Variants in KIF20B observed in about 807,000 individuals in gnomAD.
KIF20B encodes kinesin-like protein KIF20B.
In KIF20B, 188 loss-of-function variants were observed where a neutral mutation model predicts 232.5. The observed-to-expected ratio is 0.81, with a 90% CI of 0.72 to 0.91. The LOEUF is 0.91. KIF20B is among the 40% of genes least tolerant of loss of function. The pLI, the probability that KIF20B is intolerant of heterozygous loss-of-function variation, is 0.00. For synonymous variants in KIF20B, 712 were observed against 683.0 expected, an observed-to-expected ratio of 1.04 and a Z score of -0.66; for missense variants, 2,154 against 2,055.9, an observed-to-expected ratio of 1.05 and a Z score of -0.92.
At chr10:89,704,620 G>T (rs1842685642) in intron 1 of KIF20B, among the ~76,000 whole-genome samples, 1 of 151,482 alleles carries the variant, frequency 6.6e-6, no homozygotes, top group African/African-American at 2.4e-5. Context: ...GCAGTGGCGC[G>T]ATCGCGATTC....
intron 11 of KIF20B, 75 bp from the exon 12 acceptor site, chr10:89,718,635 T>C: frequency 8.6e-7 from 1 of 1,156,746 alleles, no homozygotes; most frequent in African/African-American, 1.6e-5. Flanking sequence ...ATTATTTCTT[T>C]GTAAAATGTC....
At chr10:89,763,109 C>T (rs759820238) in intron 29 of KIF20B, among the ~76,000 whole-genome samples, 10 of 152,012 alleles carry the variant, frequency 6.6e-5, no homozygotes, top group African/African-American at 1.2e-4. Flanking sequence ...TGGTAAAACC[C>T]GTCTCTACTA....
At chr10:89,760,349 A>G (rs1315433672) in intron 27 of KIF20B, among the ~76,000 whole-genome samples, 177 bp from the exon 28 acceptor site, 1 of 152,164 alleles carries the variant, frequency 6.6e-6, no homozygotes, top group Non-Finnish European at 1.5e-5. Context: ...GCCTTTCCTG[A>G]GTATCTGAGG....
In KIF20B at chr10:89,743,797, T is replaced by C. The variant is rs1216822077; in HGVS notation, c.3916-11T>C. 1.4e-6 allele frequency: 2 copies of C among 1,406,482 alleles called. No homozygotes were observed. The highest frequency in any genetic ancestry group is 1.9e-6 in the Non-Finnish European group (2 of 1,041,730). 87.1% of individuals were successfully genotyped at this position (1,406,482 alleles called of 1,614,324 possible). ...AAATATTCCATTTGTTTTATAAACA[T>C]TATTTTGTAGGTATCTGTAATGCGT... On this transcript the variant is annotated splice_polypyrimidine_tract_variant and intron_variant, in intron 21 of 32. Coordinates refer to ENST00000371728, the MANE Select transcript of KIF20B (RefSeq NM_001284259.2).
rs762584708 is a variant in KIF20B at position 89,717,725 on chromosome 10, A to G, written c.1271+3A>G. The G allele has an allele frequency of 9.5e-6, 15 of 1,580,502 alleles. No individual in the cohort carries two copies. In the Middle Eastern group the frequency reaches 5.1e-4, roughly 54 times the overall value. On this transcript the variant is annotated splice_donor_region_variant and intron_variant, in intron 11 of 32. Transcript: ENST00000371728. ...TTGAAGAATAGTGAAAAGTCAAAGT[A>G]AGTGTTTCTGAAAGTGTTATTAGCA...
rs12259721 is a variant in KIF20B, at chr10:89,728,972, A to G, written c.2272-156A>G. ...GTATGTAATTTTTTTAAAGGCAAAA[A>G]TAAGATCATGCTGTGCATAGTGTGT... On this transcript the variant is annotated intron_variant, in intron 17 of 32. Coordinates refer to ENST00000371728, the MANE Select transcript of KIF20B (RefSeq NM_001284259.2). 8.2e-3 allele frequency among the ~76,000 whole-genome samples: 1,233 copies of G among 150,688 alleles called. 21 individuals carry two copies. Among genetic ancestry groups the G allele is most frequent in the African/African-American group, 0.029 (1,181 of 41,148 alleles).
chr10:89,718,264 C>T (rs757041043), intron 11 of KIF20B, among the ~76,000 whole-genome samples: 1 of 152,078 alleles, frequency 6.6e-6, no homozygotes, highest in Non-Finnish European at 1.5e-5. Context: ...TGGCTTATGC[C>T]TGTAATCCCA....
chr10:89,725,155 T>G lies in KIF20B; in HGVS notation c.1998T>G (p.Thr666=). The G allele has an allele frequency of 2.5e-6, 4 of 1,613,844 alleles. No individual in the cohort carries two copies. The highest frequency in any genetic ancestry group is 2.5e-6 in the Non-Finnish European group (3 of 1,179,858). ...AKDICATKVE[T]EETHNYVGFE... is the part of the protein sequence containing the mutation. ...ACATTTGTGCCACAAAAGTTGAAAC[T>G]GAAGTATGTTAATTGAAGTATTTAA... The change falls in exon 15 of 33, where the codon ACT becomes ACG. Residue 666 remains threonine, a synonymous_variant. Transcript: ENST00000371728.
intron 13 of KIF20B, among the ~76,000 whole-genome samples, chr10:89,720,687 C>G (rs1345961915): frequency 6.6e-5 from 10 of 151,756 alleles, no homozygotes; most frequent in Admixed American, 6.6e-4. Context: ...TAGCTTCTGT[C>G]CAATTATAGT....
At chr10:89,740,596 C>T (rs917987220) in intron 21 of KIF20B, among the ~76,000 whole-genome samples, 2 of 152,096 alleles carry the variant, frequency 1.3e-5, no homozygotes, top group Non-Finnish European at 2.9e-5. Context: ...TCAAAGGAGC[C>T]TCCACTCAAA....
chr10:89,772,374 T>G (rs1842479915), intron 31 of KIF20B, among the ~76,000 whole-genome samples: 1 of 152,074 alleles, frequency 6.6e-6, no homozygotes, highest in African/African-American at 2.4e-5. Flanking sequence ...TCCTGCTCTT[T>G]TGCTTAACAT....
In KIF20B at chr10:89,737,692, A is replaced by G. The variant is rs1841689169; in HGVS notation, c.2851A>G (p.Lys951Glu). 2 of 1,613,240 alleles carry G rather than the reference A, an allele frequency of 1.2e-6. No homozygotes were observed. The highest frequency in any genetic ancestry group is 1.7e-6 in the Non-Finnish European group (2 of 1,179,588). Residue 951 changes from lysine (K) to glutamate (E), a missense_variant, in exon 20 of 33, where the codon AAA (lysine) becomes GAA (glutamate). Lys to Glu is a moderately conservative substitution (Grantham distance 56). Transcript: ENST00000371728. ...DIAIAELHVQKSKNQEQEEKI... is the reference protein window; with the variant it reads ...DIAIAELHVQESKNQEQEEKI... The stretch of plus-strand genomic sequence containing the variant: ...TGCAATTGCTGAATTACATGTGCAG[A>G]AAAGTAAAAATCAAGAACAGGAGGA...
intron 21 of KIF20B, among the ~76,000 whole-genome samples, chr10:89,740,589 A>G (rs1487712643): frequency 6.6e-6 from 1 of 152,162 alleles, no homozygotes; most frequent in East Asian, 1.9e-4. Flanking sequence ...AGCTATTTCA[A>G]AGGAGCCTCC....
rs371655633 is a variant in KIF20B, at chr10:89,737,969, G to T, written c.3128G>T (p.Arg1043Leu). 1.4e-5 allele frequency: 23 copies of T among 1,612,924 alleles called. No homozygotes were observed. In the African/African-American group the frequency reaches 2.0e-4, roughly 14 times the overall value. The change falls in exon 20 of 33, where the codon CGA (arginine) becomes CTA (leucine). Residue 1043 changes from arginine (R) to leucine (L), a missense_variant. Physicochemically the swap from Arg to Leu is moderately radical, Grantham distance 102 (BLOSUM62 -2). Transcript: ENST00000371728. ...GTAAGTAAGCAAGTTAAAGAATATCGAATTCAAGAACCCAATAGGGAAAAT... is the reference window on the plus strand; with the variant it reads ...GTAAGTAAGCAAGTTAAAGAATATCTAATTCAAGAACCCAATAGGGAAAAT... ...YLVSKQVKEY[R>L]IQEPNRENSF...
intron 13 of KIF20B, among the ~76,000 whole-genome samples, chr10:89,720,824 G>A (rs1016896619): frequency 6.6e-6 from 1 of 152,158 alleles, no homozygotes; most frequent in African/African-American, 2.4e-5. Flanking sequence ...TCCTGCCTCA[G>A]CCTCCTGAGT....
intron 26 of KIF20B, 65 bp downstream of exon 26, chr10:89,754,738 G>A (rs1589878139): frequency 8.3e-7 from 1 of 1,202,292 alleles, no homozygotes; most frequent in South Asian, 2.5e-5. Flanking sequence ...ATGTATTGCT[G>A]GAATTAACAG....
At chr10:89,753,821 T>C (rs377463505) in intron 25 of KIF20B, among the ~76,000 whole-genome samples, 4 of 152,162 alleles carry the variant, frequency 2.6e-5, no homozygotes, top group Non-Finnish European at 5.9e-5. Context: ...GGTTTCACCA[T>C]GTTGGCCAGG....
In KIF20B at chr10:89,709,260, G is replaced by A. The variant is rs1428588560; in HGVS notation, c.234+7G>A. ...AAAAGAACTTGAGTCTGAGGTTTGT[G>A]TTGAATTTAATAGAATTTTAATATT... is the stretch of plus-strand genomic sequence containing the variant. On this transcript the variant is annotated splice_region_variant and intron_variant, in intron 3 of 32. Transcript: ENST00000371728. 2 of 1,601,860 alleles carry A rather than the reference G, an allele frequency of 1.2e-6. No individual in the cohort carries two copies. Among genetic ancestry groups the A allele is most frequent in the East Asian group, 4.5e-5 (2 of 44,760 alleles).
intron 8 of KIF20B, among the ~76,000 whole-genome samples, chr10:89,715,847 C>G (rs1441471185): frequency 2.6e-5 from 4 of 151,666 alleles, no homozygotes. Flanking sequence ...AAAAATTAGC[C>G]TGGCATGATC....
Sources: gnomAD v4.1 joint callset for allele counts (sites outside exome capture counted in the v4.1 genomes callset) on GRCh38, gnomAD v4.1.1 for gene constraint, MANE v1.5 for transcripts, NCBI Gene and HGNC (gene_info 2026-07-23, HGNC 2026-07-21) for gene names.